The following C3orf70 variants were observed in gnomAD, a reference collection of about 807,000 sequenced individuals.
C3orf70 encodes chromosome 3 open reading frame 70.
A neutral mutation model predicts 20.7 loss-of-function variants in C3orf70; 15 were observed. That is an observed-to-expected ratio of 0.72 (90% CI 0.48 to 1.11). The LOEUF (loss-of-function observed/expected upper bound fraction) is 1.11. C3orf70 is among the 50% of genes most tolerant of loss of function. C3orf70 has a pLI of 0.00. For synonymous variants in C3orf70, 161 were observed against 125.7 expected (o/e 1.28, Z -1.88); for missense variants, 332 against 317.6 (o/e 1.05, Z -0.34).
chr3:185,147,531 T>C (rs1477061919), intron 1 of C3orf70, among the ~76,000 whole-genome samples: 2 of 152,210 alleles, frequency 1.3e-5, no homozygotes, highest in Non-Finnish European at 2.9e-5. Flanking sequence ...TACAGTGCAA[T>C]GATGGTTAAG....
At chr3:185,088,884 T>C (rs1715510838) in intron 1 of C3orf70, among the ~76,000 whole-genome samples, 1 of 152,200 alleles carries the variant, frequency 6.6e-6, no homozygotes, top group Non-Finnish European at 1.5e-5. Flanking sequence ...CGTCATTCCT[T>C]CTACATTTAT....
At chr3:185,096,461 C>T (rs1715706917) in intron 1 of C3orf70, among the ~76,000 whole-genome samples, 1 of 152,094 alleles carries the variant, frequency 6.6e-6, no homozygotes, top group Admixed American at 6.5e-5. Flanking sequence ...AAAAGGGGTC[C>T]AGAGTACAAT....
chr3:185,133,632 T>A (rs1391341629), intron 1 of C3orf70, among the ~76,000 whole-genome samples: 1 of 152,102 alleles, frequency 6.6e-6, no homozygotes, highest in Non-Finnish European at 1.5e-5. Flanking sequence ...TCATAGCTAC[T>A]TGGGAGGCTG....
chr3:185,123,302 T>C (rs1326724334), intron 1 of C3orf70, among the ~76,000 whole-genome samples: 2 of 152,232 alleles, frequency 1.3e-5, no homozygotes, highest in African/African-American at 2.4e-5. Context: ...ACATTTGCAT[T>C]TGTGAAAGAT....
chr3:185,083,646 G>A (rs1036727012), intron 1 of C3orf70, 83 bp from the exon 2 acceptor site: 1 of 1,193,788 alleles, frequency 8.4e-7, no homozygotes, highest in East Asian at 2.4e-5. Context: ...AGGACTCAAT[G>A]TCTTTAAAAA....
In C3orf70 at chr3:185,101,042, T is replaced by C. The variant is rs55920056; in HGVS notation, c.197-17479A>G. Among the ~76,000 whole-genome samples the C allele has an allele frequency of 9.9e-3, 1,509 of 152,058 alleles. 22 individuals carry two copies. Among genetic ancestry groups the C allele is most frequent in the African/African-American group, 0.035 (1,435 of 41,496 alleles). On this transcript the variant is annotated intron_variant, in intron 1 of 1. Transcript: ENST00000335012. ...GCTCTGAAATTTAATCGGTAATAAA[T>C]AGCCCACCAATTAAAAAAAGCCCAG...
chr3:185,093,864 C>T (rs1057146633), intron 1 of C3orf70, among the ~76,000 whole-genome samples: 11 of 151,960 alleles, frequency 7.2e-5, no homozygotes, highest in Non-Finnish European at 1.6e-4. Context: ...AGTCTCTTTA[C>T]CTAGATACAG....
intron 1 of C3orf70, among the ~76,000 whole-genome samples, chr3:185,109,059 G>A (rs889793752): frequency 2.6e-5 from 4 of 152,158 alleles, no homozygotes; most frequent in Non-Finnish European, 5.9e-5. Context: ...CAATTCTCAA[G>A]GACAAGCCAT....
chr3:185,136,065 C>A (rs977507924), intron 1 of C3orf70, among the ~76,000 whole-genome samples: 1 of 152,034 alleles, frequency 6.6e-6, no homozygotes, highest in Non-Finnish European at 1.5e-5. Flanking sequence ...GTACAAGAAA[C>A]TTCCTACAAA....
At chr3:185,096,057 A>G (rs1013959632) in intron 1 of C3orf70, among the ~76,000 whole-genome samples, 1 of 152,178 alleles carries the variant, frequency 6.6e-6, no homozygotes, top group South Asian at 2.1e-4. Context: ...TTTAATAACC[A>G]TAATAAACAC....
intron 1 of C3orf70, among the ~76,000 whole-genome samples, chr3:185,135,028 C>T (rs951913179): frequency 1.3e-5 from 2 of 152,094 alleles, no homozygotes; most frequent in African/African-American, 4.8e-5. Context: ...AAAAAGCCAG[C>T]AAAAACAGAA....
chr3:185,128,957 A>G (rs1716472744), intron 1 of C3orf70, among the ~76,000 whole-genome samples: 1 of 152,220 alleles, frequency 6.6e-6, no homozygotes, highest in East Asian at 1.9e-4. Context: ...CATTAATAAC[A>G]AATATTCCTT....
intron 1 of C3orf70, among the ~76,000 whole-genome samples, chr3:185,084,274 A>G (rs1370744751): frequency 1.3e-5 from 2 of 152,064 alleles, no homozygotes; most frequent in African/African-American, 4.8e-5. Context: ...GTTAATGTAT[A>G]TATTTTTCCA....
rs1210093725 is a variant in C3orf70 at position 185,081,752 on chromosome 3, AGACT to A, written c.*1251_*1254del. 3.3e-5 allele frequency: 5 copies of A among 152,684 alleles called. No individual in the cohort carries two copies. Among genetic ancestry groups the A allele is most frequent in the Admixed American group, 3.3e-4 (5 of 15,294 alleles). 9.5% of individuals were successfully genotyped at this position (152,684 alleles called of 1,614,324 possible). A position where few individuals can be genotyped will look rare whatever the true frequency, so the allele number is the denominator to read the frequency against. ...AGGGGAGAGAACACATACAACAGAC[AGACT>A]GTGTGGGAAAGTGAATGGCTATTAC... On this transcript the variant is annotated 3_prime_UTR_variant, in exon 2 of 2. Coordinates refer to ENST00000335012, the MANE Select transcript of C3orf70 (RefSeq NM_001025266.3).
In C3orf70 at chr3:185,105,331, G is replaced by A. The variant is rs561979884; in HGVS notation, c.197-21768C>T. On this transcript the variant is annotated intron_variant, in intron 1 of 1. Transcript: ENST00000335012. ...CCATGCTGGAAGGTTGTGGGTTCAC[G>A]GGAATGAGGGCAAGGAACACCTGGC... 2.2e-3 allele frequency among the ~76,000 whole-genome samples: 336 copies of A among 152,288 alleles called. 1 individual carries two copies. Among genetic ancestry groups the A allele is most frequent in the African/African-American group, 7.8e-3 (324 of 41,564 alleles).
At chr3:185,145,497 TAG>T (rs960258383) in intron 1 of C3orf70, among the ~76,000 whole-genome samples, 3 of 152,254 alleles carry the variant, frequency 2.0e-5, no homozygotes, top group Non-Finnish European at 4.4e-5. Flanking sequence ...CATGGTTTTA[TAG>T]AGTTCACAAC....
At chr3:185,127,392 A>G (rs1716432973) in intron 1 of C3orf70, among the ~76,000 whole-genome samples, 1 of 152,176 alleles carries the variant, frequency 6.6e-6, no homozygotes, top group Non-Finnish European at 1.5e-5. Flanking sequence ...TATGGTATAG[A>G]TTAGCTTGAA....
chr3:185,101,711 C>T (rs945850963), intron 1 of C3orf70, among the ~76,000 whole-genome samples: 1 of 152,122 alleles, frequency 6.6e-6, no homozygotes, highest in Non-Finnish European at 1.5e-5. Context: ...AACGAGACAA[C>T]ACTAGGGGGA....
intron 1 of C3orf70, among the ~76,000 whole-genome samples, chr3:185,115,439 C>T (rs1709478349): frequency 6.6e-6 from 1 of 152,186 alleles, no homozygotes. Context: ...GGCTTCCTCT[C>T]CTTCCCTGAT....
Sources: allele counts gnomAD v4.1 joint callset (sites outside exome capture counted in the v4.1 genomes callset), GRCh38; gene constraint gnomAD v4.1.1; transcripts MANE v1.5; gene names NCBI Gene and HGNC (gene_info 2026-07-23, HGNC 2026-07-21).